CLASP2: variants seen among roughly 807,000 people sequenced by gnomAD.
CLASP2 encodes the protein CLIP-associating protein 2.
CLASP2 carries 47 observed loss-of-function variants against 194.4 expected under a neutral mutation model. The observed-to-expected ratio is 0.24, with a 90% CI of 0.19 to 0.31. The LOEUF is 0.31. CLASP2 is among the 10% of genes least tolerant of loss of function. The pLI, the probability that CLASP2 is intolerant of heterozygous loss-of-function variation, is 1.00. For missense variants in CLASP2, 1,445 were observed against 1,823.6 expected (o/e 0.79, Z 3.78); for synonymous variants, 619 against 633.5 (o/e 0.98, Z 0.34).
chr3:33,669,295 C>A (rs994345702), intron 6 of CLASP2, among the ~76,000 whole-genome samples: 1 of 152,156 alleles, frequency 6.6e-6, no homozygotes, highest in Non-Finnish European at 1.5e-5. Flanking sequence ...TGGATTATAG[C>A]TCTAAATGTG....
intron 36 of CLASP2, among the ~76,000 whole-genome samples, chr3:33,512,992 A>AAACC (rs900098451): frequency 6.0e-4 from 91 of 152,222 alleles, no homozygotes; most frequent in Middle Eastern, 3.4e-3. Flanking sequence ...CTCCGTCTAA[A>AAACC]AACCAACCAA....
intron 24 of CLASP2, among the ~76,000 whole-genome samples, chr3:33,574,120 T>C (rs752368633): frequency 7.9e-5 from 12 of 152,146 alleles, no homozygotes; most frequent in Non-Finnish European, 1.5e-4. Context: ...TGAGAAAGAA[T>C]AGTTTATTTA....
chr3:33,537,166 T>C (rs1307964383), intron 33 of CLASP2, among the ~76,000 whole-genome samples: 2 of 152,158 alleles, frequency 1.3e-5, no homozygotes, highest in African/African-American at 4.8e-5. Flanking sequence ...TTGAGTTCCC[T>C]ACCCTGTACC....
chr3:33,511,425 C>T (rs947264073), intron 36 of CLASP2, among the ~76,000 whole-genome samples: 1 of 152,082 alleles, frequency 6.6e-6, no homozygotes, highest in African/African-American at 2.4e-5. Flanking sequence ...TGACTGGAGT[C>T]CCCTGCATAA....
At chr3:33,562,159 T>G (rs554234074) in intron 27 of CLASP2, among the ~76,000 whole-genome samples, 3 of 152,218 alleles carry the variant, frequency 2.0e-5, no homozygotes, top group African/African-American at 7.2e-5. Flanking sequence ...GCTGTATACC[T>G]GTAACAGCAG....
intron 21 of CLASP2, among the ~76,000 whole-genome samples, chr3:33,591,046 T>C (rs918884536): frequency 2.0e-5 from 3 of 151,834 alleles, no homozygotes; most frequent in Non-Finnish European, 4.4e-5. Context: ...AGTGGTGGCA[T>C]GCACCTCTAG....
chr3:33,600,665 CA>C (rs1175552473), intron 18 of CLASP2, among the ~76,000 whole-genome samples: 6 of 152,102 alleles, frequency 3.9e-5, no homozygotes, highest in African/African-American at 1.4e-4. Flanking sequence ...TAATTTTACA[CA>C]AAATGATGAA....
chr3:33,550,765 A>G (rs904147144), intron 30 of CLASP2, among the ~76,000 whole-genome samples: 3 of 152,216 alleles, frequency 2.0e-5, no homozygotes, highest in African/African-American at 4.8e-5. Flanking sequence ...ATACCTGCAC[A>G]GTCAAATGTA....
intron 6 of CLASP2, among the ~76,000 whole-genome samples, chr3:33,664,097 A>G (rs2085767134): frequency 6.6e-6 from 1 of 152,214 alleles, no homozygotes; most frequent in Non-Finnish European, 1.5e-5. Flanking sequence ...TTAAAAATGT[A>G]TTTATTACAA....
chr3:33,569,143 TAGGGAAAATAG>T (rs1215234170), intron 26 of CLASP2, among the ~76,000 whole-genome samples: 2 of 152,208 alleles, frequency 1.3e-5, no homozygotes, highest in African/African-American at 4.8e-5. Flanking sequence ...GATGCAATCC[TAGGGAAAATAG>T]TAGCTGGTTC....
At chr3:33,596,321 T>A (rs112544931) in intron 19 of CLASP2, among the ~76,000 whole-genome samples, 1 of 152,258 alleles carries the variant, frequency 6.6e-6, no homozygotes, top group African/African-American at 2.4e-5. Flanking sequence ...TTACGAAATA[T>A]GTCATTTGTC....
In CLASP2 at chr3:33,644,948, G is replaced by C; in HGVS notation, c.716-45C>G. 2.6e-6 allele frequency: 4 copies of C among 1,544,368 alleles called. No homozygotes were observed. In the South Asian group the frequency reaches 4.8e-5, roughly 18 times the overall value. ...AATGTATTTAAGAGAACTAAGCTTTGTTCCATTTTCCCTAAAGCTCAAAAA... is the reference window on the plus strand; with the variant it reads ...AATGTATTTAAGAGAACTAAGCTTTCTTCCATTTTCCCTAAAGCTCAAAAA... On this transcript the variant is annotated intron_variant, in intron 7 of 38. Transcript: ENST00000682230.
At chr3:33,574,480 C>T in intron 24 of CLASP2, 2 of 1,506,256 alleles carry the variant, frequency 1.3e-6, no homozygotes, top group Non-Finnish European at 1.8e-6. Flanking sequence ...TACCTTAGTC[C>T]GTATGTCTCC....
intron 2 of CLASP2, among the ~76,000 whole-genome samples, chr3:33,695,658 G>GGCCA (rs1292545194): frequency 1.3e-5 from 2 of 152,068 alleles, no homozygotes; most frequent in African/African-American, 2.4e-5. Context: ...GAAAATCACT[G>GGCCA]GCCAGGCATG....
At chr3:33,545,006 A>C in intron 30 of CLASP2, 165 bp from the exon 31 acceptor site, 1 of 482,572 alleles carries the variant, frequency 2.1e-6, no homozygotes, top group Non-Finnish European at 3.5e-6. Context: ...AAGGATAAAA[A>C]AAAAATATTG....
At chr3:33,576,445 G>A in intron 23 of CLASP2, 170 bp from the exon 24 acceptor site, 5 of 553,768 alleles carry the variant, frequency 9.0e-6, no homozygotes, top group Non-Finnish European at 1.6e-5. Context: ...CAAAATAAAA[G>A]GGTAAAGACA....
chr3:33,713,083 A>C (rs922537876), intron 1 of CLASP2, among the ~76,000 whole-genome samples: 6 of 151,442 alleles, frequency 4.0e-5, no homozygotes, highest in Admixed American at 6.6e-5. Flanking sequence ...AGTGGTCTGA[A>C]TTGGTAGTGG....
chr3:33,580,956 C>T (rs2065931800), intron 23 of CLASP2, among the ~76,000 whole-genome samples: 1 of 132,398 alleles, frequency 7.6e-6, no homozygotes. Context: ...GCAGAGCTTG[C>T]AGTGAGCCGA....
At chr3:33,584,718 T>A in intron 22 of CLASP2, 32 bp downstream of exon 22, 1 of 1,504,028 alleles carries the variant, frequency 6.6e-7, no homozygotes, top group Non-Finnish European at 8.9e-7. Context: ...AAGGGTTACA[T>A]GTCTCACATA....
Sources: gnomAD v4.1 joint callset for allele counts (sites outside exome capture counted in the v4.1 genomes callset) on GRCh38, gnomAD v4.1.1 for gene constraint, MANE v1.5 for transcripts, NCBI Gene and HGNC (gene_info 2026-07-23, HGNC 2026-07-21) for gene names.